PAAF1: variants seen among roughly 807,000 people sequenced by gnomAD.
PAAF1 encodes proteasomal ATPase-associated factor 1.
Under a neutral mutation model 52.8 loss-of-function variants are expected in PAAF1, and 46 were observed. The ratio of observed to expected loss-of-function variants is 0.87; its 90% CI spans 0.69 to 1.11. PAAF1 has a LOEUF of 1.11. Among genes scored for constraint, PAAF1 ranks in the 50% most tolerant of loss-of-function variants. The pLI, the probability that PAAF1 is intolerant of heterozygous loss-of-function variation, is 0.00. For synonymous variants in PAAF1, 178 were observed against 172.8 expected, an observed-to-expected ratio of 1.03 and a Z score of -0.24; for missense variants, 424 against 477.4, an observed-to-expected ratio of 0.89 and a Z score of 1.04.
At position 73,909,590 on chromosome 11, in the gene PAAF1, C is replaced by T. The variant is rs140276370; in HGVS notation, c.724C>T (p.Pro242Ser). 4,473 of 1,613,624 alleles carry T rather than the reference C, an allele frequency of 2.8e-3. 16 individuals carry two copies. The highest frequency in any genetic ancestry group is 3.1e-3 in the Non-Finnish European group (3,697 of 1,179,636). The change falls in exon 7 of 12, where the codon CCC (proline) becomes TCC (serine). Residue 242 changes from proline to serine, a missense_variant. By Grantham distance (74) the Pro-to-Ser change is moderately conservative. Transcript: ENST00000310571. ...AAACCTTGGCTCCCCTGAGCAGATG[C>T]CCAGTAAGTTGATAATGATATGTAG... ...SINLGSPEQMPSEREVGTEAK... is the reference protein window; with the variant it reads ...SINLGSPEQMSSEREVGTEAK...
At chr11:73,924,475 A>G in intron 10 of PAAF1, 140 bp from the exon 11 acceptor site, 1 of 678,998 alleles carries the variant, frequency 1.5e-6, no homozygotes, top group Non-Finnish European at 2.5e-6. Flanking sequence ...TGGCCCACGT[A>G]ATAAGATCTA....
rs1044551136 is a variant in PAAF1 at position 73,928,752 on chromosome 11, G to C, written c.*1390G>C. 1.3e-5 allele frequency: 2 copies of C among 152,114 alleles called. No homozygotes were observed. The highest frequency in any genetic ancestry group is 1.3e-4 in the Admixed American group (2 of 15,272). The allele number at this position is 152,114 out of a possible 1,614,324, so 9.4% of individuals were successfully genotyped here. On this transcript the variant is annotated 3_prime_UTR_variant, in exon 12 of 12. Transcript: ENST00000310571. ...TTTTTTTTGTTTTTTTTGAGACGGAGTCTCGCTCTGTCACCCAGACTGGTG... is the reference window on the plus strand; with the variant it reads ...TTTTTTTTGTTTTTTTTGAGACGGACTCTCGCTCTGTCACCCAGACTGGTG...
At position 73,927,346 on chromosome 11, in the gene PAAF1, A is replaced by G. The variant is rs1341253198; in HGVS notation, c.1163A>G (p.Gln388Arg). The G allele has an allele frequency of 6.2e-7, 1 of 1,614,050 alleles. No individual in the cohort carries two copies. The highest frequency in any genetic ancestry group is 1.7e-5 in the Admixed American group (1 of 60,030). The change falls in exon 12 of 12, where the codon CAG (glutamine) becomes CGG (arginine). Residue 388 changes from glutamine to arginine, a missense_variant. Gln to Arg is a conservative substitution (Grantham distance 43). Coordinates refer to ENST00000310571, the MANE Select transcript of PAAF1 (RefSeq NM_025155.3). ...CCRDGLVRRY[Q>R]LSDL is the part of the protein sequence containing the mutation. ...CGAGACGGTCTTGTACGACGCTACC[A>G]GCTTTCTGACCTCTGACTTCTTGGA...
rs1394766313 is a variant in PAAF1 at position 73,878,836 on chromosome 11, A to T, written c.88+17A>T. ...ATCCCCCAGGTAATACCCATGAATT[A>T]TATATGCTGTGACTTTAAAGGAGAA... On this transcript the variant is annotated intron_variant, in intron 2 of 11. Transcript: ENST00000310571. 6.2e-6 allele frequency: 10 copies of T among 1,611,430 alleles called. No individual in the cohort carries two copies. Among genetic ancestry groups the T allele is most frequent in the Non-Finnish European group, 8.5e-6 (10 of 1,178,000 alleles).
chr11:73,900,614 C>T (rs903272456), intron 6 of PAAF1, among the ~76,000 whole-genome samples, 194 bp downstream of exon 6: 2 of 152,184 alleles, frequency 1.3e-5, no homozygotes, highest in Non-Finnish European at 2.9e-5. Context: ...CTTGAACTGT[C>T]TTACACAGTT....
chr11:73,899,281 A>G, intron 5 of PAAF1, 37 bp downstream of exon 5: 1 of 1,544,576 alleles, frequency 6.5e-7, no homozygotes, highest in Non-Finnish European at 8.9e-7. Context: ...TCTTAAACAC[A>G]AAGGGTGGTC....
rs73549976 is a variant in PAAF1, at chr11:73,909,519, G to A, written c.653G>A (p.Gly218Asp). 3.4e-4 allele frequency: 556 copies of A among 1,614,176 alleles called. 2 individuals carry two copies. In the African/African-American group the frequency reaches 6.4e-3, roughly 19 times the overall value. ...SACLGVLADC[G>D]SSINGVAVGA... ...TGCTTGGGAGTCCTTGCAGATTGTGGTTCTTCTATCAATGGAGTGGCGGTG... is the reference window on the plus strand; with the variant it reads ...TGCTTGGGAGTCCTTGCAGATTGTGATTCTTCTATCAATGGAGTGGCGGTG... Residue 218 changes from glycine (G) to aspartate (D), a missense_variant, in exon 7 of 12, where the codon GGT becomes GAT. Coordinates refer to ENST00000310571, the MANE Select transcript of PAAF1 (RefSeq NM_025155.3).
intron 7 of PAAF1, among the ~76,000 whole-genome samples, chr11:73,910,756 C>T (rs141810612): frequency 0.011 from 1,645 of 152,006 alleles, 29 homozygotes; most frequent in African/African-American, 0.036. Context: ...TTTGGGAGGC[C>T]GAGGCGGGCG....
At chr11:73,916,417 A>C in intron 8 of PAAF1, 128 bp from the exon 9 acceptor site, 1 of 629,432 alleles carries the variant, frequency 1.6e-6, no homozygotes, top group South Asian at 2.1e-5. Context: ...TTACCATTTG[A>C]GAATAATTAA....
chr11:73,922,007 A>C (rs1181089478), intron 10 of PAAF1: 2 of 815,476 alleles, frequency 2.5e-6, no homozygotes, highest in Non-Finnish European at 2.1e-6. Context: ...TGTCAGCTTC[A>C]TTCTTAACTT....
chr11:73,912,753 T>C (rs1467980929), intron 7 of PAAF1, among the ~76,000 whole-genome samples: 1 of 152,186 alleles, frequency 6.6e-6, no homozygotes, highest in Non-Finnish European at 1.5e-5. Context: ...CTCTTATACT[T>C]TCTGACCCCT....
At chr11:73,923,911 A>G (rs1213915102) in intron 10 of PAAF1, among the ~76,000 whole-genome samples, 1 of 152,110 alleles carries the variant, frequency 6.6e-6, no homozygotes. Flanking sequence ...GAACATTTTA[A>G]TAGGGAATAT....
At chr11:73,906,572 A>G (rs1949760791) in intron 6 of PAAF1, among the ~76,000 whole-genome samples, 1 of 152,124 alleles carries the variant, frequency 6.6e-6, no homozygotes, top group Non-Finnish European at 1.5e-5. Context: ...TTTATTTTAA[A>G]TTGGATCTAT....
At chr11:73,895,474 C>T (rs905426217) in intron 4 of PAAF1, among the ~76,000 whole-genome samples, 14 of 152,038 alleles carry the variant, frequency 9.2e-5, no homozygotes, top group Admixed American at 5.9e-4. Context: ...CCTTTTATTC[C>T]GAGGAAGCAA....
intron 6 of PAAF1, among the ~76,000 whole-genome samples, chr11:73,908,330 T>C (rs1949823689): frequency 9.2e-6 from 1 of 108,714 alleles, no homozygotes; most frequent in South Asian, 2.4e-4. Flanking sequence ...TATATATGTA[T>C]ATATATGTGT....
chr11:73,902,722 A>G (rs867354587), intron 6 of PAAF1, among the ~76,000 whole-genome samples: 2 of 152,052 alleles, frequency 1.3e-5, no homozygotes, highest in Non-Finnish European at 2.9e-5. Flanking sequence ...TTTGAGATGG[A>G]GTCTCACTCT....
At chr11:73,903,476 G>A (rs1949678004) in intron 6 of PAAF1, among the ~76,000 whole-genome samples, 1 of 152,156 alleles carries the variant, frequency 6.6e-6, no homozygotes, top group African/African-American at 2.4e-5. Flanking sequence ...TAGCACTTTG[G>A]GAGGCCGAGG....
chr11:73,887,288 G>C (rs2135138335), intron 2 of PAAF1, 66 bp from the exon 3 acceptor site: 1 of 1,200,572 alleles, frequency 8.3e-7, no homozygotes. Context: ...CCTGAATTGG[G>C]TCTTCAAAGA....
chr11:73,899,044 G>A (rs570378075), intron 4 of PAAF1, 102 bp from the exon 5 acceptor site: 4 of 849,440 alleles, frequency 4.7e-6, no homozygotes, highest in African/African-American at 1.7e-5. Flanking sequence ...ACAGGCTTCA[G>A]GAAGTCTTGG....
Sources: gnomAD v4.1 joint callset for allele counts (sites outside exome capture counted in the v4.1 genomes callset) on GRCh38, gnomAD v4.1.1 for gene constraint, MANE v1.5 for transcripts, NCBI Gene and HGNC (gene_info 2026-07-23, HGNC 2026-07-21) for gene names.